Variants in B3GALT1 observed in about 807,000 individuals in gnomAD.
B3GALT1 encodes the protein beta-1,3-galactosyltransferase 1.
In B3GALT1, 10 loss-of-function variants were observed where a neutral mutation model predicts 23.2. The ratio of observed to expected loss-of-function variants is 0.43; its 90% CI spans 0.27 to 0.73. The LOEUF is 0.73. B3GALT1 is among the 30% of genes least tolerant of loss of function. The pLI is 0.21. For synonymous variants in B3GALT1, 156 were observed against 141.5 expected, an observed-to-expected ratio of 1.10 and a Z score of -0.73; for missense variants, 299 against 405.4, an observed-to-expected ratio of 0.74 and a Z score of 2.25.
chr2:167,584,702 C>T (rs1485447518), intron 2 of B3GALT1, among the ~76,000 whole-genome samples: 1 of 152,158 alleles, frequency 6.6e-6, no homozygotes, highest in Non-Finnish European at 1.5e-5. Flanking sequence ...CTTGGTTTGA[C>T]TAATTTGCTA....
Position 167,564,268 on chromosome 2 carries a change from G to A in B3GALT1, c.-410+73991G>A, listed in dbSNP as rs374545719. Among the ~76,000 whole-genome samples the A allele has an allele frequency of 1.8e-3, 272 of 151,560 alleles. 8 individuals are homozygous for A. In the East Asian group the frequency reaches 0.042, roughly 23 times the overall value. On this transcript the variant is annotated intron_variant, in intron 2 of 4. Transcript: ENST00000392690. ...GCTCCCCACATCTCAGACGATGGGCGGCCGGGCAGAGACGCTCCCCCCCTC... is the reference window on the plus strand; with the variant it reads ...GCTCCCCACATCTCAGACGATGGGCAGCCGGGCAGAGACGCTCCCCCCCTC...
intron 1 of B3GALT1, among the ~76,000 whole-genome samples, chr2:167,351,264 G>A (rs1460112984): frequency 1.0e-4 from 14 of 136,162 alleles, no homozygotes; most frequent in Non-Finnish European, 1.5e-4. Context: ...GTGAGACTCC[G>A]TCTCAAAAAA....
intron 2 of B3GALT1, among the ~76,000 whole-genome samples, chr2:167,594,678 C>G (rs929275191): frequency 2.6e-5 from 4 of 152,064 alleles, no homozygotes; most frequent in Non-Finnish European, 5.9e-5. Context: ...TTTGGGAGGA[C>G]GAGGCGGGCA....
intron 3 of B3GALT1, among the ~76,000 whole-genome samples, chr2:167,760,272 A>T (rs1297534922): frequency 6.6e-6 from 1 of 152,210 alleles, no homozygotes; most frequent in Non-Finnish European, 1.5e-5. Flanking sequence ...GTCCCCTGAA[A>T]TTTTCATAAT....
chr2:167,424,797 A>G (rs555885734), intron 1 of B3GALT1, among the ~76,000 whole-genome samples: 1 of 152,366 alleles, frequency 6.6e-6, no homozygotes, highest in South Asian at 2.1e-4. Flanking sequence ...TAACAATCAT[A>G]GAAGACTTAC....
chr2:167,537,800 A>G (rs962043202), intron 2 of B3GALT1, among the ~76,000 whole-genome samples: 55 of 149,832 alleles, frequency 3.7e-4, no homozygotes, highest in South Asian at 8.5e-4. Context: ...TCAAACATTC[A>G]TCTTTAAATT....
rs542785925 is a variant in B3GALT1, at chr2:167,476,985, T to C, written c.-510-13192T>C. On this transcript the variant is annotated intron_variant, in intron 1 of 4. Coordinates refer to ENST00000392690, the MANE Select transcript of B3GALT1 (RefSeq NM_020981.4). ...AGGATAAAAGGAGCAGATTGACCAA[T>C]TACTTTCAAAGTGTTTGATCATATC... Among the ~76,000 whole-genome samples the C allele has an allele frequency of 4.4e-4, 67 of 152,340 alleles. No individual in the cohort carries two copies. In the South Asian group the frequency reaches 0.013, roughly 29 times the overall value.
intron 3 of B3GALT1, among the ~76,000 whole-genome samples, chr2:167,738,176 A>G (rs1482203556): frequency 3.3e-5 from 5 of 152,252 alleles, no homozygotes; most frequent in African/African-American, 7.2e-5. Context: ...AAGAAAATCC[A>G]TGCAAGAACT....
rs142257515 is a variant in B3GALT1, at chr2:167,831,143, G to A, written c.-230+12350G>A. ...CATTACATTTGACACACTTATTCAC[G>A]GGAACCTTCCCATGCTTAACAACTG... On this transcript the variant is annotated intron_variant, in intron 4 of 4. Coordinates refer to ENST00000392690, the MANE Select transcript of B3GALT1 (RefSeq NM_020981.4). Among the ~76,000 whole-genome samples the A allele has an allele frequency of 3.3e-3, 495 of 152,218 alleles. 4 individuals are homozygous for A. Among genetic ancestry groups the A allele is most frequent in the African/African-American group, 0.011 (461 of 41,536 alleles).
intron 3 of B3GALT1, among the ~76,000 whole-genome samples, chr2:167,679,929 C>A (rs911093946): frequency 6.6e-6 from 1 of 152,144 alleles, no homozygotes; most frequent in Non-Finnish European, 1.5e-5. Context: ...TGGTGATATA[C>A]TTATTTCATG....
chr2:167,704,173 T>G (rs1574222546), intron 3 of B3GALT1, among the ~76,000 whole-genome samples: 1 of 86,734 alleles, frequency 1.2e-5, no homozygotes, highest in East Asian at 3.3e-4. Flanking sequence ...GGAGCGAAAC[T>G]CAGTCTCAAC....
At chr2:167,368,345 A>G (rs1223156098) in intron 1 of B3GALT1, among the ~76,000 whole-genome samples, 1 of 152,198 alleles carries the variant, frequency 6.6e-6, no homozygotes, top group East Asian at 1.9e-4. Flanking sequence ...ATTAAGAAAA[A>G]TGAAATTCTG....
intron 4 of B3GALT1, among the ~76,000 whole-genome samples, chr2:167,832,841 C>T (rs1308563255): frequency 6.6e-6 from 1 of 152,158 alleles, no homozygotes; most frequent in African/African-American, 2.4e-5. Flanking sequence ...TACAAAGCAA[C>T]GTAAAGTAAA....
chr2:167,416,196 G>C (rs1161491989), intron 1 of B3GALT1, among the ~76,000 whole-genome samples: 2 of 152,122 alleles, frequency 1.3e-5, no homozygotes, highest in Non-Finnish European at 2.9e-5. Context: ...CACAGGCCCA[G>C]AGGCTTAGGA....
At chr2:167,690,048 C>T (rs1457522414) in intron 3 of B3GALT1, among the ~76,000 whole-genome samples, 1 of 151,946 alleles carries the variant, frequency 6.6e-6, no homozygotes, top group Non-Finnish European at 1.5e-5. Context: ...ATGCAGAAAG[C>T]CACATTTATC....
At chr2:167,774,497 G>GTTTTTTTTTTTTTT (rs397986581) in intron 3 of B3GALT1, among the ~76,000 whole-genome samples, 6 of 83,000 alleles carry the variant, frequency 7.2e-5, no homozygotes, top group Admixed American at 1.7e-4. Flanking sequence ...TTTTTTTTTT[G>GTTTTTTTTTTTTTT]TTTTTTTTTT....
At chr2:167,699,113 G>A (rs934238085) in intron 3 of B3GALT1, among the ~76,000 whole-genome samples, 27 of 152,066 alleles carry the variant, frequency 1.8e-4, no homozygotes, top group African/African-American at 5.6e-4. Flanking sequence ...TAACTTTTTC[G>A]GTTACGGGAA....
chr2:167,680,763 T>G (rs1686515493), intron 3 of B3GALT1, among the ~76,000 whole-genome samples: 1 of 150,086 alleles, frequency 6.7e-6, no homozygotes, highest in South Asian at 2.1e-4. Context: ...TCTCTCCGAT[T>G]ATTCGCGCAG....
At chr2:167,676,516 TACACACACACACACACACACACACAC>T (rs34764364) in intron 3 of B3GALT1, among the ~76,000 whole-genome samples, 1 of 145,080 alleles carries the variant, frequency 6.9e-6, no homozygotes, top group Admixed American at 6.9e-5. Flanking sequence ...TGTATGTTTA[TACACACACACACACACACACACACAC>T]ACACACACAC....
Sources: allele counts gnomAD v4.1 joint callset (sites outside exome capture counted in the v4.1 genomes callset), GRCh38; gene constraint gnomAD v4.1.1; transcripts MANE v1.5; gene names NCBI Gene and HGNC (gene_info 2026-07-23, HGNC 2026-07-21).